TTC28: variants seen among roughly 807,000 people sequenced by gnomAD.
TTC28 encodes the protein tetratricopeptide repeat protein 28.
TTC28 carries 61 observed loss-of-function variants against 198.0 expected under a neutral mutation model. That is an observed-to-expected ratio of 0.31 (90% CI 0.25 to 0.38). The LOEUF (loss-of-function observed/expected upper bound fraction) is 0.38. TTC28 is among the 10% of genes least tolerant of loss of function. The pLI is 1.00. For missense variants in TTC28, 2,678 were observed against 3,164.0 expected (o/e 0.85, Z 3.69); for synonymous variants, 1,171 against 1,297.8 (o/e 0.90, Z 2.10).
At chr22:28,663,161 T>C (rs991716619) in intron 1 of TTC28, among the ~76,000 whole-genome samples, 1 of 148,802 alleles carries the variant, frequency 6.7e-6, no homozygotes, top group Non-Finnish European at 1.5e-5. Context: ...GATAGGAGAA[T>C]GGCGTGAACC....
At chr22:28,111,056 A>C (rs1942467158) in intron 6 of TTC28, among the ~76,000 whole-genome samples, 1 of 152,200 alleles carries the variant, frequency 6.6e-6, no homozygotes, top group Non-Finnish European at 1.5e-5. Flanking sequence ...GTGTATAGAC[A>C]TACATGTTTA....
chr22:28,513,365 A>T (rs561248131), intron 2 of TTC28, among the ~76,000 whole-genome samples: 76 of 152,310 alleles, frequency 5.0e-4, no homozygotes, highest in African/African-American at 1.8e-3. Context: ...CCTTGGTTAA[A>T]ATTTTAGGAG....
intron 2 of TTC28, among the ~76,000 whole-genome samples, chr22:28,564,883 T>C (rs1017838996): frequency 3.4e-5 from 5 of 147,686 alleles, no homozygotes; most frequent in African/African-American, 1.2e-4. Context: ...TTATAATTTA[T>C]TATATAAATA....
chr22:27,996,106 G>C (rs916114565), intron 17 of TTC28, 29 bp downstream of exon 17: 2 of 1,537,538 alleles, frequency 1.3e-6, no homozygotes, highest in Non-Finnish European at 1.8e-6. Flanking sequence ...GCCAGCTCTC[G>C]TTGAGTGCAG....
chr22:28,033,526 G>T (rs1939215227), intron 12 of TTC28, among the ~76,000 whole-genome samples: 1 of 152,092 alleles, frequency 6.6e-6, no homozygotes, highest in African/African-American at 2.4e-5. Context: ...TGCCTTCAAG[G>T]CTCTTACTAT....
intron 2 of TTC28, among the ~76,000 whole-genome samples, chr22:28,529,366 C>A (rs1240436270): frequency 6.6e-6 from 1 of 152,154 alleles, no homozygotes; most frequent in Non-Finnish European, 1.5e-5. Flanking sequence ...GGGACGGGCG[C>A]CCACCATTGC....
chr22:27,982,778 C>A lies in TTC28; in HGVS notation c.6889G>T (p.Ala2297Ser), dbSNP rs769207304. ...TTCCTTGGTGATTTGGAAATGTGAG[C>A]GCTGTAAGGAGAGCTGGGGTACTTC... ...KLKYPSSPYS[A>S]HISKSPRNMS... Residue 2297 changes from alanine (A) to serine (S), a missense_variant, in exon 23 of 23, where the codon GCT (alanine) becomes TCT (serine). Coordinates refer to ENST00000397906, the MANE Select transcript of TTC28 (RefSeq NM_001145418.2). The surrounding 1 kb of genome is among the most constrained non-coding windows in gnomAD (Gnocchi z 5.2). The A allele has an allele frequency of 6.5e-7, 1 of 1,548,012 alleles. No homozygotes were observed. Among genetic ancestry groups the A allele is most frequent in the South Asian group, 1.2e-5 (1 of 83,742 alleles).
chr22:28,466,618 T>A (rs2048023693), intron 2 of TTC28, among the ~76,000 whole-genome samples: 1 of 152,144 alleles, frequency 6.6e-6, no homozygotes. Context: ...ATCTCTAATT[T>A]GCTCATATAA....
intron 2 of TTC28, among the ~76,000 whole-genome samples, chr22:28,348,376 G>A (rs571963965): frequency 1.3e-5 from 2 of 152,286 alleles, no homozygotes; most frequent in South Asian, 4.1e-4. Context: ...CTCTCAGAGG[G>A]TACTATGTGC....
chr22:28,122,386 C>T (rs1157958297), intron 6 of TTC28, among the ~76,000 whole-genome samples: 2 of 152,052 alleles, frequency 1.3e-5, no homozygotes, highest in South Asian at 2.1e-4. Flanking sequence ...AAAATAAGCC[C>T]TTATTTATTT....
At chr22:28,518,016 C>G (rs1045218169) in intron 2 of TTC28, among the ~76,000 whole-genome samples, 3 of 151,992 alleles carry the variant, frequency 2.0e-5, no homozygotes, top group African/African-American at 7.2e-5. Flanking sequence ...CCTACCTTAA[C>G]CCAAGTAGCT....
chr22:28,163,800 G>A (rs9625423), intron 5 of TTC28, among the ~76,000 whole-genome samples: 1,747 of 152,248 alleles, frequency 0.011, 30 homozygotes, highest in African/African-American at 0.04. Flanking sequence ...GGGGAGTGCC[G>A]GACAGTGGGT....
At chr22:28,409,663 CT>C (rs752670702) in intron 2 of TTC28, among the ~76,000 whole-genome samples, 135 of 139,954 alleles carry the variant, frequency 9.6e-4, no homozygotes, top group Admixed American at 1.2e-3. Flanking sequence ...TTTTCTTTTT[CT>C]TTTTTTTTTT....
At chr22:28,174,558 C>T (rs548053465) in intron 5 of TTC28, among the ~76,000 whole-genome samples, 22 of 152,176 alleles carry the variant, frequency 1.4e-4, no homozygotes, top group Non-Finnish European at 3.2e-4. Flanking sequence ...AGAAAATTCA[C>T]CCTTGTAGCG....
intron 2 of TTC28, among the ~76,000 whole-genome samples, chr22:28,570,208 G>A (rs768291712): frequency 5.9e-5 from 9 of 152,160 alleles, no homozygotes; most frequent in Non-Finnish European, 1.0e-4. Context: ...CCATGACTGG[G>A]TATATAACTA....
chr22:28,110,772 C>CA (rs1440209396), intron 6 of TTC28, among the ~76,000 whole-genome samples: 1 of 151,392 alleles, frequency 6.6e-6, no homozygotes, highest in Non-Finnish European at 1.5e-5. Flanking sequence ...TTGTCTCTAC[C>CA]AAAAATTAAA....
chr22:28,655,275 C>T (rs5762735), intron 1 of TTC28, among the ~76,000 whole-genome samples: 152,029 of 152,342 alleles, frequency 1, 75,858 homozygotes, highest in Middle Eastern at 1. Flanking sequence ...AGTATATCAA[C>T]ATATCTTAGA....
chr22:28,619,745 A>G (rs2050961828), intron 2 of TTC28, among the ~76,000 whole-genome samples: 1 of 152,226 alleles, frequency 6.6e-6, no homozygotes, highest in Non-Finnish European at 1.5e-5. Flanking sequence ...GAAGAATAAA[A>G]CATAAGTTTA....
At position 28,590,034 on chromosome 22, in the gene TTC28, CAAAAAAAAAA is replaced by C. The variant is rs71194779; in HGVS notation, c.381+39508_381+39517del. 2.2e-3 allele frequency among the ~76,000 whole-genome samples: 152 copies of C among 68,056 alleles called. 2 individuals carry two copies. The highest frequency in any genetic ancestry group is 0.013 in the African/African-American group (127 of 9,740). The allele number at this position is 68,056 out of a possible 152,430, so 44.6% of individuals were successfully genotyped here. Reference sequence around the variant, plus strand: ...CCTGGGCAACAGAACAAGACTCCATCAAAAAAAAAAAAAAAAAAAAAAAAAAAACACAGAA... The same window carrying C: ...CCTGGGCAACAGAACAAGACTCCATCAAAAAAAAAAAAAAAAAACACAGAA... On this transcript the variant is annotated intron_variant, in intron 2 of 22. Transcript: ENST00000397906.
Sources: gnomAD v4.1 joint callset for allele counts (sites outside exome capture counted in the v4.1 genomes callset) on GRCh38, gnomAD v4.1.1 for gene constraint, Gnocchi (gnomAD v3.1) non-coding constraint, MANE v1.5 for transcripts, NCBI Gene and HGNC (gene_info 2026-07-23, HGNC 2026-07-21) for gene names.